The following SNX29 variants were observed in gnomAD, a reference collection of about 807,000 sequenced individuals.
SNX29 encodes the protein sorting nexin 29.
A neutral mutation model predicts 102.1 loss-of-function variants in SNX29; 78 were observed. The ratio of observed to expected loss-of-function variants is 0.76; its 90% CI spans 0.64 to 0.92. The LOEUF is 0.92. Ranked by LOEUF, SNX29 falls within the 40% of genes least tolerant of loss-of-function variation. SNX29 has a pLI of 0.00. For missense variants in SNX29, 1,280 were observed against 1,061.7 expected, an observed-to-expected ratio of 1.21 and a Z score of -2.86; for synonymous variants, 580 against 414.5, an observed-to-expected ratio of 1.40 and a Z score of -4.85.
At chr16:12,542,284 G>C (rs1310737640) in intron 20 of SNX29, among the ~76,000 whole-genome samples, 2 of 152,104 alleles carry the variant, frequency 1.3e-5, no homozygotes, top group African/African-American at 2.4e-5. Context: ...AGAAATGGAG[G>C]AACTTGCCCA....
chr16:12,548,631 C>G (rs892587343), intron 20 of SNX29, among the ~76,000 whole-genome samples: 4 of 152,232 alleles, frequency 2.6e-5, no homozygotes, highest in Non-Finnish European at 4.4e-5. Context: ...GCAGAAGAGG[C>G]TCTTCAGGGG....
intron 13 of SNX29, among the ~76,000 whole-genome samples, chr16:12,174,085 T>C (rs1334135918): frequency 6.6e-6 from 1 of 152,154 alleles, no homozygotes; most frequent in Non-Finnish European, 1.5e-5. Context: ...CCCGGCCCCC[T>C]GTGCTTCTTA....
At chr16:12,549,381 G>A (rs558825936) in intron 20 of SNX29, among the ~76,000 whole-genome samples, 5 of 152,294 alleles carry the variant, frequency 3.3e-5, no homozygotes, top group African/African-American at 1.2e-4. Context: ...TGTAGTCCCA[G>A]CTACTCAGAA....
intron 13 of SNX29, among the ~76,000 whole-genome samples, chr16:12,147,697 C>T (rs1358131179): frequency 6.6e-6 from 1 of 152,142 alleles, no homozygotes; most frequent in Non-Finnish European, 1.5e-5. Context: ...TCTTTGCCTC[C>T]GGAGAGGCAG....
intron 3 of SNX29, among the ~76,000 whole-genome samples, chr16:12,009,148 AG>A (rs1462101336): frequency 6.6e-6 from 1 of 152,212 alleles, no homozygotes; most frequent in East Asian, 1.9e-4. Flanking sequence ...ATTTTTAAAC[AG>A]GTGTATGTAA....
chr16:12,200,441 G>C (rs1396411632), intron 14 of SNX29, among the ~76,000 whole-genome samples: 1 of 151,538 alleles, frequency 6.6e-6, no homozygotes, highest in Non-Finnish European at 1.5e-5. Context: ...AGCTCATAGA[G>C]TGTGGACATT....
At chr16:12,126,726 C>G in intron 12 of SNX29, 30 bp downstream of exon 12, 2 of 1,611,720 alleles carry the variant, frequency 1.2e-6, no homozygotes, top group Non-Finnish European at 1.7e-6. Flanking sequence ...TGAGGAATAG[C>G]CTCTTTCTTT....
rs1261711428 is a variant in SNX29 at position 12,196,616 on chromosome 16, TTTTTTC to T, written c.1596-2979_1596-2974del. Among the ~76,000 whole-genome samples the T allele has an allele frequency of 9.7e-3, 1,058 of 109,086 alleles. 2 individuals carry two copies. Among genetic ancestry groups the T allele is most frequent in the Non-Finnish European group, 0.013 (602 of 45,688 alleles). The allele number at this position is 109,086 out of a possible 152,430, so 71.6% of individuals were successfully genotyped here. A position where few individuals can be genotyped will look rare whatever the true frequency, so the allele number is the denominator to read the frequency against. On this transcript the variant is annotated intron_variant, in intron 13 of 20. Coordinates refer to ENST00000566228, the MANE Select transcript of SNX29 (RefSeq NM_032167.5). Reference sequence around the variant, plus strand: ...ACACTTTTTTTACTTTTCTTTTTTCTTTTTTCTTTTTTTTTTTTTTTTGGAGACGGA... The same window carrying T: ...ACACTTTTTTTACTTTTCTTTTTTCTTTTTTTTTTTTTTTTTGGAGACGGA...
At position 12,571,073 on chromosome 16, in the gene SNX29, CAT is replaced by C; in HGVS notation, c.*2445_*2446del. ...ACTCTAAAAATGCTGGTGGCCCGCA[CAT>C]GACAGCAACTCCCCGAAGCCTTCCC... On this transcript the variant is annotated 3_prime_UTR_variant, in exon 21 of 21. Coordinates refer to ENST00000566228, the MANE Select transcript of SNX29 (RefSeq NM_032167.5). The C allele has an allele frequency of 4.3e-6, 1 of 232,622 alleles. No individual in the cohort carries two copies. The highest frequency in any genetic ancestry group is 6.1e-5 in the East Asian group (1 of 16,488). 14.4% of individuals were successfully genotyped at this position (232,622 alleles called of 1,614,324 possible).
chr16:12,012,032 C>A (rs2056670801), intron 3 of SNX29, among the ~76,000 whole-genome samples: 1 of 152,084 alleles, frequency 6.6e-6, no homozygotes, highest in Non-Finnish European at 1.5e-5. Flanking sequence ...CTCATTAATT[C>A]CTTCATTCAA....
intron 11 of SNX29, among the ~76,000 whole-genome samples, chr16:12,101,670 C>T (rs535642633): frequency 2.8e-4 from 42 of 152,212 alleles, no homozygotes; most frequent in African/African-American, 9.6e-4. Context: ...TGGCACGAGT[C>T]GCTGTGCCTG....
At chr16:12,343,514 G>A (rs1033606936) in intron 15 of SNX29, among the ~76,000 whole-genome samples, 1 of 152,200 alleles carries the variant, frequency 6.6e-6, no homozygotes, top group African/African-American at 2.4e-5. Context: ...GATGGGGCTT[G>A]GGTGTGAACC....
At chr16:12,370,477 T>C (rs2082642646) in intron 16 of SNX29, among the ~76,000 whole-genome samples, 1 of 152,194 alleles carries the variant, frequency 6.6e-6, no homozygotes, top group African/African-American at 2.4e-5. Flanking sequence ...GGATAATTGC[T>C]TGAACCTGGG....
intron 14 of SNX29, among the ~76,000 whole-genome samples, chr16:12,214,406 G>C (rs756232882): frequency 2.6e-5 from 4 of 152,184 alleles, no homozygotes; most frequent in Non-Finnish European, 5.9e-5. Flanking sequence ...ACTGCTTTCT[G>C]TCCTGGGAGC....
intron 14 of SNX29, among the ~76,000 whole-genome samples, chr16:12,243,901 AACCATT>A (rs2078185322): frequency 2.6e-5 from 4 of 152,214 alleles, no homozygotes; most frequent in African/African-American, 7.2e-5. Context: ...GCATGTCTGG[AACCATT>A]GTCAAATGTC....
At position 12,337,692 on chromosome 16, in the gene SNX29, C is replaced by G. The variant is rs186633432; in HGVS notation, c.1783-18471C>G. On this transcript the variant is annotated intron_variant, in intron 15 of 20. Coordinates refer to ENST00000566228, the MANE Select transcript of SNX29 (RefSeq NM_032167.5). ...CTTGCAAACATGTGACCCATTTGCC[C>G]CAGATTTTATGGACGAAGGGAAGGA... is the stretch of plus-strand genomic sequence containing the variant. Among the ~76,000 whole-genome samples the G allele has an allele frequency of 2.2e-3, 342 of 152,232 alleles. 2 individuals carry two copies. The highest frequency in any genetic ancestry group is 7.7e-3 in the African/African-American group (321 of 41,536).
intron 20 of SNX29, among the ~76,000 whole-genome samples, chr16:12,544,948 C>CA (rs2077519685): frequency 6.6e-6 from 1 of 152,194 alleles, no homozygotes; most frequent in African/African-American, 2.4e-5. Context: ...ACTGTATTTC[C>CA]AGATGAGGAA....
Position 11,976,816 on chromosome 16 carries a change from G to T in SNX29, c.7+3G>T. 1 of 1,380,856 alleles carries T rather than the reference G, an allele frequency of 7.2e-7. No individual in the cohort carries two copies. Among genetic ancestry groups the T allele is most frequent in the South Asian group, 1.6e-5 (1 of 62,612 alleles). The allele number at this position is 1,380,856 out of a possible 1,614,324, so 85.5% of individuals were successfully genotyped here. A position where few individuals can be genotyped will look rare whatever the true frequency, so the allele number is the denominator to read the frequency against. ...CCCGGGGAGAGGCACCATGAGCGGT[G>T]AGTGGCGGCCCCGCCGCTGTCACCT... On this transcript the variant is annotated splice_donor_region_variant and intron_variant, in intron 1 of 20. Coordinates refer to ENST00000566228, the MANE Select transcript of SNX29 (RefSeq NM_032167.5).
intron 20 of SNX29, among the ~76,000 whole-genome samples, chr16:12,562,639 C>G (rs986117670): frequency 6.6e-6 from 1 of 152,144 alleles, no homozygotes; most frequent in Admixed American, 6.5e-5. Context: ...AGGGTCTTCC[C>G]TGAGGGGCTG....
Sources: gnomAD v4.1 joint callset for allele counts (sites outside exome capture counted in the v4.1 genomes callset) on GRCh38, gnomAD v4.1.1 for gene constraint, MANE v1.5 for transcripts, NCBI Gene and HGNC (gene_info 2026-07-23, HGNC 2026-07-21) for gene names.